CCNB3: variants seen among roughly 807,000 people sequenced by gnomAD.
CCNB3 encodes the protein G2/mitotic-specific cyclin-B3.
In CCNB3, 12 loss-of-function variants were observed where a neutral mutation model predicts 68.0. The ratio of observed to expected loss-of-function variants is 0.18; its 90% CI spans 0.11 to 0.29. The LOEUF is 0.29. Ranked by LOEUF, CCNB3 falls within the 10% of genes least tolerant of loss-of-function variation. CCNB3 has a pLI of 1.00. For missense variants in CCNB3, 904 were observed against 993.1 expected, an observed-to-expected ratio of 0.91 and a Z score of 1.21; for synonymous variants, 354 against 388.9, an observed-to-expected ratio of 0.91 and a Z score of 1.06.
At chrX:50,292,789 G>A (rs782623034) in intron 4 of CCNB3, among the ~76,000 whole-genome samples, 9 of 110,855 alleles carry the variant, frequency 8.1e-5, no homozygotes, top group African/African-American at 2.6e-4. Flanking sequence ...TCTCACTAAC[G>A]TGTCCTTGTG....
At chrX:50,328,466 A>G (rs1922405833) in intron 8 of CCNB3, among the ~76,000 whole-genome samples, 1 of 111,158 alleles carries the variant, frequency 9.0e-6, no homozygotes, top group Admixed American at 9.5e-5. Flanking sequence ...ACACTTTTAA[A>G]CAACCAGATT....
intron 3 of CCNB3, among the ~76,000 whole-genome samples, chrX:50,287,925 G>GC (rs1936269653): frequency 9.1e-6 from 1 of 109,467 alleles, no homozygotes; most frequent in Non-Finnish European, 1.9e-5. Context: ...TGTCAGATCA[G>GC]CAGTGGCATT....
At position 50,310,788 on chromosome X, in the gene CCNB3, C is replaced by T. The variant is rs942783152; in HGVS notation, c.2619C>T (p.Leu873=). 7.4e-6 allele frequency: 9 copies of T among 1,210,079 alleles called. No individual in the cohort carries two copies. Among genetic ancestry groups the T allele is most frequent in the Non-Finnish European group, 7.8e-6 (7 of 895,242 alleles). The change falls in exon 6 of 13, where the codon CTC becomes CTT. Residue 873 remains leucine (L), a synonymous_variant. Transcript: ENST00000376042. ...QEKPSIEQEA[L]FKRHSALWEK... is the part of the protein sequence containing the mutation. ...AGCCCAGCATTGAGCAGGAGGCCCT[C>T]TTTAAGCGACACTCAGCTTTGTGGG... is the stretch of plus-strand genomic sequence containing the variant.
At chrX:50,295,315 C>T (rs781796861) in intron 5 of CCNB3, among the ~76,000 whole-genome samples, 3 of 111,468 alleles carry the variant, frequency 2.7e-5, no homozygotes, top group Non-Finnish European at 5.7e-5. Flanking sequence ...GACAACTTAA[C>T]TTTCCAGGGA....
rs367719646 is a variant in CCNB3 at position 50,351,623 on chromosome X, G to A, written c.4108G>A (p.Ala1370Thr). The A allele has an allele frequency of 2.6e-5, 32 of 1,208,805 alleles. No homozygotes were observed. Among genetic ancestry groups the A allele is most frequent in the African/African-American group, 1.1e-4 (6 of 57,047 alleles). The change falls in exon 13 of 13, where the codon GCC (alanine) becomes ACC (threonine). Residue 1370 changes from alanine to threonine, a missense_variant. Around this residue, in one of 2 missense-constraint regions of CCNB3, gnomAD observed 285 missense variants for 383.4 expected, o/e 0.74. Transcript: ENST00000376042. ...KYSHPVFFEV[A>T]KIPALDMLKL... ...CTTTTGCAGGGTCTTCTTTGAAGTC[G>A]CCAAAATCCCTGCCTTGGATATGTT...
intron 1 of CCNB3, among the ~76,000 whole-genome samples, chrX:50,211,875 C>T (rs1337255450): frequency 8.9e-6 from 1 of 111,987 alleles, no homozygotes; most frequent in East Asian, 2.8e-4. Flanking sequence ...TTGTGTATGT[C>T]GTATTTATTG....
At chrX:50,314,023 T>TA in intron 8 of CCNB3, 75 bp downstream of exon 8, 1 of 744,798 alleles carries the variant, frequency 1.3e-6, no homozygotes, top group Non-Finnish European at 2.1e-6. Flanking sequence ...AAAAACATGG[T>TA]AAAAATGTAC....
chrX:50,279,738 AT>A (rs1936068003), intron 1 of CCNB3, among the ~76,000 whole-genome samples: 3 of 90,664 alleles, frequency 3.3e-5, no homozygotes, highest in Non-Finnish European at 6.2e-5. Flanking sequence ...ATATATGATT[AT>A]GTATATTCAT....
chrX:50,305,258 G>A lies in CCNB3; in HGVS notation c.336-3247G>A, dbSNP rs192573576. Among the ~76,000 whole-genome samples the A allele has an allele frequency of 8.6e-3, 965 of 111,764 alleles. 3 individuals are homozygous for A. Among genetic ancestry groups the A allele is most frequent in the South Asian group, 0.023 (61 of 2,643 alleles). ...TAGCAAAGACTTGGAACCAACCCAA[G>A]TGTCCAACAATGATAGACTGGATTA... On this transcript the variant is annotated intron_variant, in intron 5 of 12. Coordinates refer to ENST00000376042, the MANE Select transcript of CCNB3 (RefSeq NM_033031.3).
upstream of CCNB3, among the ~76,000 whole-genome samples, chrX:50,203,122 C>T (rs1935292042): frequency 9.0e-6 from 1 of 111,667 alleles, no homozygotes; most frequent in African/African-American, 3.3e-5. Flanking sequence ...TTTTTCTAAG[C>T]ACCATCATCT....
chrX:50,304,411 C>T (rs1005526456), intron 5 of CCNB3, among the ~76,000 whole-genome samples: 55 of 111,598 alleles, frequency 4.9e-4, no homozygotes, highest in African/African-American at 1.8e-3. Flanking sequence ...GAAATGATTC[C>T]CTATTTAATA....
At chrX:50,205,275 C>T (rs1182252452) in intron 1 of CCNB3, among the ~76,000 whole-genome samples, 1 of 111,621 alleles carries the variant, frequency 9.0e-6, no homozygotes, top group East Asian at 2.8e-4. Context: ...AACCCCGTCT[C>T]TACTAAAAAG....
At position 50,347,609 on chromosome X, in the gene CCNB3, C is replaced by T. The variant is rs781846292; in HGVS notation, c.3811-17C>T. On this transcript the variant is annotated splice_polypyrimidine_tract_variant and intron_variant, in intron 10 of 12. Transcript: ENST00000376042. ...TTTCTAAATTGATTTCTGAGCCAGTCTTCTCATTGCCTTTAGTGTATCCAC... is the reference window on the plus strand; with the variant it reads ...TTTCTAAATTGATTTCTGAGCCAGTTTTCTCATTGCCTTTAGTGTATCCAC... 7.5e-6 allele frequency: 9 copies of T among 1,193,419 alleles called. No individual in the cohort carries two copies. The highest frequency in any genetic ancestry group is 1.0e-5 in the Non-Finnish European group (9 of 885,233).
At chrX:50,313,518 G>T (rs1921572936) in intron 7 of CCNB3, among the ~76,000 whole-genome samples, 1 of 112,156 alleles carries the variant, frequency 8.9e-6, no homozygotes, top group Non-Finnish European at 1.9e-5. Flanking sequence ...GTATGTTAAA[G>T]TTTGAGAAGC....
chrX:50,280,554 C>G (rs995280239), intron 1 of CCNB3, among the ~76,000 whole-genome samples: 4 of 109,262 alleles, frequency 3.7e-5, no homozygotes, highest in Non-Finnish European at 7.6e-5. Flanking sequence ...ACTATTAGCT[C>G]TCTGCACTTT....
Position 50,311,418 on chromosome X carries a change from G to C in CCNB3, c.3249G>C (p.Arg1083Ser). Residue 1083 changes from arginine (R) to serine (S), a missense_variant, in exon 6 of 13, where the codon AGG becomes AGC. Physicochemically the swap from Arg to Ser is moderately radical, Grantham distance 110. Around this residue, in one of 2 missense-constraint regions of CCNB3, gnomAD observed 285 missense variants for 383.4 expected, o/e 0.74. Transcript: ENST00000376042. ...CCATGACCAGCGTGGGCAAGTCCAG[G>C]ACCACCACCGAGTCCAGTGCATGTG... ...IATMTSVGKS[R>S]TTTESSACES... 8.3e-7 allele frequency: 1 copy of C among 1,210,675 alleles called. No homozygotes were observed. The highest frequency in any genetic ancestry group is 1.1e-6 in the Non-Finnish European group (1 of 895,323).
intron 1 of CCNB3, among the ~76,000 whole-genome samples, chrX:50,220,957 T>A (rs1935661615): frequency 9.0e-6 from 1 of 111,440 alleles, no homozygotes; most frequent in African/African-American, 3.3e-5. Flanking sequence ...CAGGACTTGT[T>A]GTTGGTCTAT....
At chrX:50,337,797 A>G (rs1922927216) in intron 8 of CCNB3, among the ~76,000 whole-genome samples, 1 of 111,894 alleles carries the variant, frequency 8.9e-6, no homozygotes, top group Admixed American at 9.5e-5. Context: ...ACACTTTTAC[A>G]GTTTATACCA....
chrX:50,294,367 C>T (rs1427061114), intron 4 of CCNB3, among the ~76,000 whole-genome samples: 1 of 111,274 alleles, frequency 9.0e-6, no homozygotes, highest in African/African-American at 3.3e-5. Context: ...TCCCCAAAGC[C>T]CTGAGTTAAA....
Sources: gnomAD v4.1 joint callset for allele counts (sites outside exome capture counted in the v4.1 genomes callset) on GRCh38, gnomAD v4.1.1 for gene constraint, gnomAD v4.1.1 regional missense constraint, MANE v1.5 for transcripts, NCBI Gene and HGNC (gene_info 2026-07-23, HGNC 2026-07-21) for gene names.